ABCC11: variants seen among roughly 807,000 people sequenced by gnomAD.
ABCC11 encodes ATP binding cassette subfamily C member 11, also known as ATP-binding cassette sub-family C member 11.
A neutral mutation model predicts 149.3 loss-of-function variants in ABCC11; 135 were observed. The observed-to-expected ratio is 0.90, with a 90% CI of 0.79 to 1.04. The LOEUF is 1.04. Ranked by LOEUF, ABCC11 falls within the 50% of genes least tolerant of loss-of-function variation. ABCC11 has a pLI of 0.00. For synonymous variants in ABCC11, 665 were observed against 671.4 expected, an observed-to-expected ratio of 0.99 and a Z score of 0.15; for missense variants, 1,680 against 1,722.1, an observed-to-expected ratio of 0.98 and a Z score of 0.43.
intron 26 of ABCC11, among the ~76,000 whole-genome samples, chr16:48,172,379 T>C (rs1172856965): frequency 1.3e-5 from 2 of 152,148 alleles, no homozygotes; most frequent in African/African-American, 2.4e-5. Flanking sequence ...CTTTGGGATA[T>C]ATAACTAGAA....
chr16:48,199,427 G>A (rs1967733981), intron 15 of ABCC11, among the ~76,000 whole-genome samples: 1 of 151,826 alleles, frequency 6.6e-6, no homozygotes, highest in Admixed American at 6.6e-5. Context: ...CAAAAATAAG[G>A]GGCGAGAGAA....
chr16:48,193,934 AAG>A lies in ABCC11; in HGVS notation c.2451_2452del (p.Phe818LeufsTer21). ...CCACCAGAAGCTGAAGATCGTTAAG[AAG>A]ACGATCAGCACCACGAAGAAGAAAA... On this transcript the variant is annotated frameshift_variant, in exon 19 of 30. Transcript: ENST00000356608. LOFTEE classifies it high-confidence loss of function. 6.2e-7 allele frequency: 1 copy of A among 1,614,090 alleles called. No homozygotes were observed. Among genetic ancestry groups the A allele is most frequent in the Non-Finnish European group, 8.5e-7 (1 of 1,179,940 alleles).
At position 48,200,258 on chromosome 16, in the gene ABCC11, C is replaced by T; in HGVS notation, c.2082+18G>A. 1 of 1,611,180 alleles carries T rather than the reference C, an allele frequency of 6.2e-7. No individual in the cohort carries two copies. Among genetic ancestry groups the T allele is most frequent in the South Asian group, 1.1e-5 (1 of 90,876 alleles). On this transcript the variant is annotated intron_variant, in intron 15 of 29. Transcript: ENST00000356608. Reference sequence around the variant, plus strand: ...CGTTATCCGTCAATCACAGTCAGAGCCCTGGAAGGGTGCTAACCTGCAGCT... The same window carrying T: ...CGTTATCCGTCAATCACAGTCAGAGTCCTGGAAGGGTGCTAACCTGCAGCT...
At chr16:48,168,381 C>A (rs1326360799) in intron 28 of ABCC11, among the ~76,000 whole-genome samples, 3 of 152,214 alleles carry the variant, frequency 2.0e-5, no homozygotes, top group Non-Finnish European at 4.4e-5. Context: ...GGGGAAAGTC[C>A]TACCTCCTCT....
At chr16:48,241,416 C>T (rs935641448) in intron 1 of ABCC11, among the ~76,000 whole-genome samples, 35 of 152,302 alleles carry the variant, frequency 2.3e-4, no homozygotes, top group Admixed American at 6.5e-4. Flanking sequence ...AATGGAAGAA[C>T]ATTCCATGCT....
At chr16:48,211,294 G>T in intron 10 of ABCC11, 95 bp from the exon 11 acceptor site, 1 of 1,454,622 alleles carries the variant, frequency 6.9e-7, no homozygotes, top group African/African-American at 1.4e-5. Context: ...AGTTGGTATG[G>T]TTTTGTGAAT....
In ABCC11 at chr16:48,167,636, C is replaced by G. The variant is rs1965421593; in HGVS notation, c.3916G>C (p.Ala1306Pro). The G allele has an allele frequency of 1.2e-6, 2 of 1,614,036 alleles. No homozygotes were observed. Among genetic ancestry groups the G allele is most frequent in the Non-Finnish European group, 1.7e-6 (2 of 1,180,030 alleles). Residue 1306 changes from alanine to proline, a missense_variant, in exon 29 of 30, where the codon GCC becomes CCC. By Grantham distance (27) the Ala-to-Pro change is conservative (BLOSUM62 -1). Transcript: ENST00000356608. ...GTGTCTGTCTCCATGTCAATGGAGGCTGTGGCTTCATCGATAAGGATGATC... is the reference window on the plus strand; with the variant it reads ...GTGTCTGTCTCCATGTCAATGGAGGGTGTGGCTTCATCGATAAGGATGATC... ...SKIILIDEAT[A>P]SIDMETDTLI...
At position 48,231,901 on chromosome 16, in the gene ABCC11, G is replaced by C; in HGVS notation, c.21C>G (p.Tyr7Ter). MTRKRTYWVPNSSGGLV... is the reference protein window; with the variant it reads MTRKRT ...GGCCACCAGAAGAGTTGGGCACCCA[G>C]TATGTCCTCTTCCTAGTCATTTTCA... Residue 7 changes from tyrosine (Y) to a stop codon, truncating the protein, a stop_gained, in exon 2 of 30, where the codon TAC becomes TAG. Coordinates refer to ENST00000356608, the MANE Select transcript of ABCC11 (RefSeq NM_001370497.1). LOFTEE classifies it high-confidence loss of function. 1 of 1,614,034 alleles carries C rather than the reference G, an allele frequency of 6.2e-7. No homozygotes were observed. Among genetic ancestry groups the C allele is most frequent in the Admixed American group, 1.7e-5 (1 of 60,004 alleles).
intron 19 of ABCC11, among the ~76,000 whole-genome samples, chr16:48,192,985 G>T (rs1009956716): frequency 6.6e-6 from 1 of 152,210 alleles, no homozygotes; most frequent in East Asian, 1.9e-4. Flanking sequence ...AGAAGCTTGG[G>T]AACGTGATTT....
In ABCC11 at chr16:48,213,638, CA is replaced by C. The variant is rs1247906446; in HGVS notation, c.1249-89del. On this transcript the variant is annotated intron_variant, in intron 9 of 29. Transcript: ENST00000356608. The stretch of plus-strand genomic sequence containing the variant: ...CACCCGCATCCCTGAGCCACATCCT[CA>C]GCATCCAACAAGCAGTTGCTTCATC... 9 of 960,050 alleles carry C rather than the reference CA, an allele frequency of 9.4e-6. No individual in the cohort carries two copies. The Admixed American group carries it at 2.0e-4, about 22-fold the overall frequency. 59.5% of individuals were successfully genotyped at this position (960,050 alleles called of 1,614,324 possible).
chr16:48,223,494 CCTAA>C (rs1462881985), intron 5 of ABCC11: 6 of 153,488 alleles, frequency 3.9e-5, no homozygotes, highest in Admixed American at 6.5e-5. Flanking sequence ...GGACCCGGCA[CCTAA>C]CTGTCACCCG....
chr16:48,205,856 G>A (rs1032791724), intron 12 of ABCC11, among the ~76,000 whole-genome samples: 2 of 150,502 alleles, frequency 1.3e-5, no homozygotes, highest in African/African-American at 2.5e-5. Flanking sequence ...TGTCGCCCAG[G>A]CTGGAGTGCA....
At chr16:48,245,379 T>A (rs896297033) in intron 1 of ABCC11, among the ~76,000 whole-genome samples, 4 of 152,180 alleles carry the variant, frequency 2.6e-5, no homozygotes, top group Non-Finnish European at 5.9e-5. Flanking sequence ...TCTATTTCTT[T>A]TATTCTGCAA....
At chr16:48,200,945 T>TCC (rs1198292851) in intron 14 of ABCC11, among the ~76,000 whole-genome samples, 5 of 152,180 alleles carry the variant, frequency 3.3e-5, no homozygotes, top group Non-Finnish European at 7.4e-5. Flanking sequence ...CCTGACCTGA[T>TCC]CATTACATAT....
rs192104512 is a variant in ABCC11 at position 48,169,136 on chromosome 16, G to A, written c.3891+969C>T. ...TCCCAGTTCTAATAAAGATAAAAGG[G>A]ATGTACTGCATCCAAGTTTTTAAAA... On this transcript the variant is annotated intron_variant, in intron 28 of 29. Coordinates refer to ENST00000356608, the MANE Select transcript of ABCC11 (RefSeq NM_001370497.1). 5.7e-3 allele frequency among the ~76,000 whole-genome samples: 863 copies of A among 152,298 alleles called. 8 individuals are homozygous for A. The highest frequency in any genetic ancestry group is 0.024 in the Middle Eastern group (7 of 294).
At chr16:48,216,336 C>T in intron 6 of ABCC11, 49 bp from the exon 7 acceptor site, 2 of 1,582,068 alleles carry the variant, frequency 1.3e-6, no homozygotes, top group Non-Finnish European at 1.7e-6. Context: ...CCTGGGTACA[C>T]AGAAGGGGTG....
chr16:48,193,227 T>A (rs1967081442), intron 19 of ABCC11, among the ~76,000 whole-genome samples: 2 of 152,180 alleles, frequency 1.3e-5, no homozygotes, highest in African/African-American at 4.8e-5. Flanking sequence ...GAGCCTCTAA[T>A]TCCCTATATT....
chr16:48,171,571 T>C (rs1406381019), intron 26 of ABCC11, among the ~76,000 whole-genome samples: 2 of 152,264 alleles, frequency 1.3e-5, no homozygotes, highest in South Asian at 4.1e-4. Context: ...AGAAAGTACA[T>C]AATATTTATC....
At chr16:48,234,222 C>A (rs1970572517) in intron 1 of ABCC11, among the ~76,000 whole-genome samples, 1 of 152,232 alleles carries the variant, frequency 6.6e-6, no homozygotes, top group Non-Finnish European at 1.5e-5. Context: ...ACGGCATCAT[C>A]ATATACTGTT....
Sources: allele counts gnomAD v4.1 joint callset (sites outside exome capture counted in the v4.1 genomes callset), GRCh38; gene constraint gnomAD v4.1.1; transcripts MANE v1.5; gene names NCBI Gene and HGNC (gene_info 2026-07-23, HGNC 2026-07-21).